NDST4: variants seen among roughly 807,000 people sequenced by gnomAD.
The protein encoded by NDST4 is N-heparan sulfate sulfotransferase 4.
Under a neutral mutation model 100.8 loss-of-function variants are expected in NDST4, and 63 were observed. The observed-to-expected ratio is 0.62, with a 90% CI of 0.51 to 0.77. The LOEUF (loss-of-function observed/expected upper bound fraction) is 0.77. Ranked by LOEUF, NDST4 falls within the 30% of genes least tolerant of loss-of-function variation. The pLI is 0.00. For synonymous variants in NDST4, 377 were observed against 361.8 expected (o/e 1.04, Z -0.48); for missense variants, 943 against 1,018.4 (o/e 0.93, Z 1.01).
chr4:115,043,905 G>A (rs1475021216), intron 2 of NDST4, among the ~76,000 whole-genome samples: 1 of 152,028 alleles, frequency 6.6e-6, no homozygotes, highest in Non-Finnish European at 1.5e-5. Flanking sequence ...GATGTTATAC[G>A]ACTGGCTTTT....
chr4:115,024,238 G>T (rs1316934758), intron 2 of NDST4, among the ~76,000 whole-genome samples: 1 of 152,066 alleles, frequency 6.6e-6, no homozygotes, highest in East Asian at 1.9e-4. Flanking sequence ...AAGCCATGAA[G>T]GTGGGGTCAC....
chr4:115,075,164 G>A (rs969859680), intron 2 of NDST4, among the ~76,000 whole-genome samples: 2 of 152,130 alleles, frequency 1.3e-5, no homozygotes, highest in African/African-American at 4.8e-5. Context: ...TAAATAATAG[G>A]TATAATAATG....
chr4:114,978,512 A>G (rs536643334), intron 2 of NDST4, among the ~76,000 whole-genome samples: 1 of 152,224 alleles, frequency 6.6e-6, no homozygotes, highest in East Asian at 1.9e-4. Context: ...AAAGGCAGAA[A>G]TAGAACCACT....
chr4:115,018,302 G>C (rs1727733618), intron 2 of NDST4, among the ~76,000 whole-genome samples: 3 of 151,892 alleles, frequency 2.0e-5, no homozygotes, highest in African/African-American at 7.2e-5. Flanking sequence ...ATAGCAGACA[G>C]ATTTCTTAGT....
chr4:114,974,271 A>G (rs540051743), intron 3 of NDST4, among the ~76,000 whole-genome samples: 72 of 151,036 alleles, frequency 4.8e-4, no homozygotes, highest in South Asian at 1.3e-3. Flanking sequence ...CACACAGAAA[A>G]GCAACATATG....
intron 2 of NDST4, among the ~76,000 whole-genome samples, chr4:115,011,065 C>T (rs1384112512): frequency 1.3e-5 from 2 of 151,682 alleles, no homozygotes; most frequent in East Asian, 3.9e-4. Context: ...CTTCATTTTC[C>T]CACAATTCCC....
chr4:114,894,919 AT>A lies in NDST4; in HGVS notation c.1537-23970del, dbSNP rs540702589. 5.3e-5 allele frequency among the ~76,000 whole-genome samples: 8 copies of A among 152,316 alleles called. No individual in the cohort carries two copies. In the East Asian group the frequency reaches 1.5e-3, roughly 29 times the overall value. On this transcript the variant is annotated intron_variant, in intron 6 of 13. Transcript: ENST00000264363. ...TATTATTTTGAGATGTGTTCCATCAATACCTAGTTTATTGAGAGTTTTTAAC... is the reference window on the plus strand; with the variant it reads ...TATTATTTTGAGATGTGTTCCATCAAACCTAGTTTATTGAGAGTTTTTAAC...
At chr4:115,091,718 T>C (rs1048971167) in intron 1 of NDST4, among the ~76,000 whole-genome samples, 3 of 152,208 alleles carry the variant, frequency 2.0e-5, no homozygotes, top group African/African-American at 7.2e-5. Context: ...ATTTGAAAGA[T>C]AACGTATCAT....
chr4:115,065,029 T>A (rs539069630), intron 2 of NDST4, among the ~76,000 whole-genome samples: 1 of 152,262 alleles, frequency 6.6e-6, no homozygotes, highest in African/African-American at 2.4e-5. Context: ...TTCTATACAT[T>A]TTAATGAACA....
intron 4 of NDST4, among the ~76,000 whole-genome samples, chr4:114,953,274 G>A (rs1726063109): frequency 2.0e-5 from 3 of 151,958 alleles, no homozygotes; most frequent in African/African-American, 7.2e-5. Flanking sequence ...TCGAAACTGA[G>A]AACAACTTAG....
At chr4:114,832,187 CATATT>C (rs1264542928) in intron 12 of NDST4, among the ~76,000 whole-genome samples, 5 of 152,136 alleles carry the variant, frequency 3.3e-5, no homozygotes, top group African/African-American at 9.7e-5. Context: ...TTAATACAAA[CATATT>C]ATAGGAAGCT....
At chr4:114,913,708 T>TCTCCAA (rs1725109018) in intron 6 of NDST4, among the ~76,000 whole-genome samples, 1 of 146,150 alleles carries the variant, frequency 6.8e-6, no homozygotes, top group Admixed American at 7.0e-5. Flanking sequence ...AGAACCCCTG[T>TCTCCAA]GGGTTAATAA....
At chr4:114,980,621 G>A (rs182504406) in intron 2 of NDST4, among the ~76,000 whole-genome samples, 19 of 151,832 alleles carry the variant, frequency 1.3e-4, no homozygotes, top group African/African-American at 4.3e-4. Flanking sequence ...CAGCCTGGGC[G>A]ACAAGAGTGA....
At chr4:115,107,944 C>G (rs1194379919) in intron 1 of NDST4, among the ~76,000 whole-genome samples, 1 of 151,936 alleles carries the variant, frequency 6.6e-6, no homozygotes, top group Admixed American at 6.6e-5. Flanking sequence ...AGAAAATGTC[C>G]TGTTTCAAGG....
intron 6 of NDST4, among the ~76,000 whole-genome samples, chr4:114,911,368 A>G (rs1489568646): frequency 1.3e-5 from 2 of 152,176 alleles, no homozygotes; most frequent in African/African-American, 4.8e-5. Context: ...TGGCCACATT[A>G]ATGAATGCCT....
chr4:114,892,054 C>T (rs1328991500), intron 6 of NDST4, among the ~76,000 whole-genome samples: 1 of 151,886 alleles, frequency 6.6e-6, no homozygotes, highest in Non-Finnish European at 1.5e-5. Context: ...TTAGATGAAC[C>T]GTATAAAATT....
chr4:115,044,389 A>G (rs1728420603), intron 2 of NDST4, among the ~76,000 whole-genome samples: 1 of 152,188 alleles, frequency 6.6e-6, no homozygotes, highest in Non-Finnish European at 1.5e-5. Flanking sequence ...ACAAGTGAGA[A>G]GAAAAGGGTA....
At chr4:114,828,328 C>A in intron 13 of NDST4, among the ~76,000 whole-genome samples, 1 of 151,558 alleles carries the variant, frequency 6.6e-6, no homozygotes, top group Non-Finnish European at 1.5e-5. Context: ...TGAAAATTGG[C>A]CTGTAAGATA....
intron 2 of NDST4, among the ~76,000 whole-genome samples, chr4:115,045,583 G>C (rs1728447836): frequency 6.6e-6 from 1 of 152,044 alleles, no homozygotes; most frequent in Non-Finnish European, 1.5e-5. Flanking sequence ...TTGAATGCCT[G>C]ACCTCCCAGC....
Sources: gnomAD v4.1 joint callset for allele counts (sites outside exome capture counted in the v4.1 genomes callset) on GRCh38, gnomAD v4.1.1 for gene constraint, MANE v1.5 for transcripts, NCBI Gene and HGNC (gene_info 2026-07-23, HGNC 2026-07-21) for gene names.